The following PTBP2 variants were observed in gnomAD, a reference collection of about 807,000 sequenced individuals.
The protein encoded by PTBP2 is polypyrimidine tract binding protein 2, also known as polypyrimidine tract-binding protein 2.
A neutral mutation model predicts 61.4 loss-of-function variants in PTBP2; 13 were observed. The observed-to-expected ratio is 0.21, with a 90% CI of 0.14 to 0.34. The LOEUF (loss-of-function observed/expected upper bound fraction) is 0.34, where lower values mean the gene tolerates loss of function less well. Among genes scored for constraint, PTBP2 ranks in the 10% least tolerant of loss-of-function variants. PTBP2 has a pLI of 1.00. For missense variants in PTBP2, 405 were observed against 642.6 expected, an observed-to-expected ratio of 0.63 and a Z score of 4.00; for synonymous variants, 215 against 218.5, an observed-to-expected ratio of 0.98 and a Z score of 0.14.
intron 2 of PTBP2, among the ~76,000 whole-genome samples, chr1:96,730,323 T>G (rs1651226016): frequency 6.6e-6 from 1 of 152,206 alleles, no homozygotes; most frequent in Admixed American, 6.5e-5. Flanking sequence ...TACTTTTACT[T>G]ATATAGGGAT....
At chr1:96,767,217 A>G (rs925383098) in intron 3 of PTBP2, among the ~76,000 whole-genome samples, 2 of 152,152 alleles carry the variant, frequency 1.3e-5, no homozygotes, top group Admixed American at 6.5e-5. Flanking sequence ...TCCACTATCC[A>G]GAAAACATCC....
rs544169821 is a variant in PTBP2, at chr1:96,783,296, C to CA, written c.709-1762dup. 7.2e-5 allele frequency among the ~76,000 whole-genome samples: 11 copies of CA among 152,120 alleles called. No individual in the cohort carries two copies. In the East Asian group the frequency reaches 1.7e-3, roughly 24 times the overall value. On this transcript the variant is annotated intron_variant, in intron 7 of 13. Transcript: ENST00000674951. Reference sequence around the variant, plus strand: ...CTTTTGCCAACAGATGATTAATTTACATCTTGTTTGCTTATTTCTCTAGCT... The same window carrying CA: ...CTTTTGCCAACAGATGATTAATTTACAATCTTGTTTGCTTATTTCTCTAGCT...
intron 2 of PTBP2, among the ~76,000 whole-genome samples, chr1:96,729,487 T>A (rs1475763490): frequency 6.6e-6 from 1 of 152,192 alleles, no homozygotes; most frequent in Non-Finnish European, 1.5e-5. Context: ...GCTCCTGATA[T>A]TAGGGTGAGA....
chr1:96,784,345 C>T (rs1000020033), intron 7 of PTBP2, among the ~76,000 whole-genome samples: 1 of 151,902 alleles, frequency 6.6e-6, no homozygotes, highest in African/African-American at 2.4e-5. Flanking sequence ...CCTGTTTTCC[C>T]GATTAAGAAA....
chr1:96,750,787 A>G (rs1654443204), intron 2 of PTBP2, among the ~76,000 whole-genome samples: 1 of 152,118 alleles, frequency 6.6e-6, no homozygotes, highest in South Asian at 2.1e-4. Context: ...TAAGTACATA[A>G]CATTTTCAAA....
intron 2 of PTBP2, chr1:96,749,491 T>C (rs1177532650): frequency 1.2e-5 from 4 of 328,228 alleles, no homozygotes; most frequent in Admixed American, 1.1e-4. Context: ...AGTAAAACTT[T>C]AAGCATCACT....
At chr1:96,791,493 G>A (rs1284465573) in intron 8 of PTBP2, among the ~76,000 whole-genome samples, 1 of 152,094 alleles carries the variant, frequency 6.6e-6, no homozygotes, top group Non-Finnish European at 1.5e-5. Flanking sequence ...CAAAAATATG[G>A]CATGGTATTT....
intron 3 of PTBP2, among the ~76,000 whole-genome samples, chr1:96,757,489 T>A (rs988795707): frequency 6.6e-6 from 1 of 152,130 alleles, no homozygotes; most frequent in African/African-American, 2.4e-5. Context: ...AAATCCACAA[T>A]CATAGCCTGG....
At chr1:96,783,134 T>C (rs1384425511) in intron 7 of PTBP2, among the ~76,000 whole-genome samples, 2 of 152,006 alleles carry the variant, frequency 1.3e-5, no homozygotes, top group African/African-American at 2.4e-5. Flanking sequence ...TGCAAATACA[T>C]GAGCTTGAAG....
In PTBP2 at chr1:96,813,541, G is replaced by C; in HGVS notation, c.*136G>C. ...GGGGTTTCTTTTTTTTTTCCATGCT[G>C]TTATCATTCCTTGGTTATAAAATGA... is the stretch of plus-strand genomic sequence containing the variant. On this transcript the variant is annotated 3_prime_UTR_variant, in exon 14 of 14. Transcript: ENST00000674951. 1.3e-6 allele frequency: 1 copy of C among 793,338 alleles called. No homozygotes were observed. The highest frequency in any genetic ancestry group is 1.8e-6 in the Non-Finnish European group (1 of 554,304). 49.1% of individuals were successfully genotyped at this position (793,338 alleles called of 1,614,324 possible).
At position 96,787,514 on chromosome 1, in the gene PTBP2, T is replaced by C. The variant is rs559862145; in HGVS notation, c.904+2260T>C. On this transcript the variant is annotated intron_variant, in intron 8 of 13. Coordinates refer to ENST00000674951, the MANE Select transcript of PTBP2 (RefSeq NM_021190.4). ...AGTGTTTAGCCTTTCCTAAGTGACT[T>C]CTTTTTTTTATCTGTTTTAATGTTT... Among the ~76,000 whole-genome samples, 33 of 151,834 alleles carry C rather than the reference T, an allele frequency of 2.2e-4. No individual in the cohort carries two copies. The South Asian group carries it at 2.9e-3, about 13-fold the overall frequency.
chr1:96,820,107 C>T (rs560425684), exon 14 of PTBP2: 1 of 152,008 alleles, frequency 6.6e-6, no homozygotes. Flanking sequence ...ATTATTTTCT[C>T]ATCTGTAAAA....
intron 2 of PTBP2, among the ~76,000 whole-genome samples, chr1:96,745,620 A>G (rs1653649187): frequency 1.3e-5 from 2 of 151,958 alleles, no homozygotes; most frequent in African/African-American, 2.4e-5. Context: ...AATGTTTTCC[A>G]TGTCTTGTGT....
chr1:96,791,910 T>C (rs905861310), intron 8 of PTBP2, among the ~76,000 whole-genome samples: 2 of 143,044 alleles, frequency 1.4e-5, no homozygotes, highest in East Asian at 4.5e-4. Context: ...CTCGGCTCAC[T>C]GCAAGCTCCG....
intron 8 of PTBP2, among the ~76,000 whole-genome samples, chr1:96,801,103 C>G (rs546134685): frequency 6.6e-6 from 1 of 151,926 alleles, no homozygotes; most frequent in East Asian, 1.9e-4. Flanking sequence ...TAACCTTAGG[C>G]TGGTATGTTT....
At chr1:96,726,993 C>T (rs1467175152) in intron 2 of PTBP2, among the ~76,000 whole-genome samples, 1 of 152,182 alleles carries the variant, frequency 6.6e-6, no homozygotes, top group Non-Finnish European at 1.5e-5. Flanking sequence ...TGTGAAACCA[C>T]TGCAATCAAG....
intron 8 of PTBP2, among the ~76,000 whole-genome samples, chr1:96,802,800 C>T (rs1225136523): frequency 1.3e-5 from 2 of 152,046 alleles, no homozygotes; most frequent in African/African-American, 2.4e-5. Context: ...TAACTAAAGG[C>T]AGGAAAATAG....
At chr1:96,788,481 G>A (rs1030394080) in intron 8 of PTBP2, among the ~76,000 whole-genome samples, 1 of 152,004 alleles carries the variant, frequency 6.6e-6, no homozygotes, top group African/African-American at 2.4e-5. Context: ...TATTGCATGA[G>A]TGAGGTCATG....
At chr1:96,820,856 T>A (rs1662663276) in exon 14 of PTBP2, 1 of 152,202 alleles carries the variant, frequency 6.6e-6, no homozygotes, top group Non-Finnish European at 1.5e-5. Context: ...GTGGTTTTTA[T>A]TGTATGATTT....
Sources: gnomAD v4.1 joint callset for allele counts (sites outside exome capture counted in the v4.1 genomes callset) on GRCh38, gnomAD v4.1.1 for gene constraint, MANE v1.5 for transcripts, NCBI Gene and HGNC (gene_info 2026-07-23, HGNC 2026-07-21) for gene names.